The following DNAI3 variants were observed in gnomAD, a reference collection of about 807,000 sequenced individuals.
DNAI3 encodes dynein axonemal intermediate chain 3, also known as WD repeat domain 63.
In DNAI3, 83 loss-of-function variants were observed where a neutral mutation model predicts 115.5. That is an observed-to-expected ratio of 0.72 (90% confidence interval 0.60 to 0.86). The LOEUF (loss-of-function observed/expected upper bound fraction) is 0.86, where lower values mean the gene tolerates loss of function less well. Ranked by LOEUF, DNAI3 falls within the 40% of genes least tolerant of loss-of-function variation. The pLI, the probability that DNAI3 is intolerant of heterozygous loss-of-function variation, is 0.00. For synonymous variants in DNAI3, 320 were observed against 347.0 expected, an observed-to-expected ratio of 0.92 and a Z score of 0.86; for missense variants, 1,004 against 1,075.8, an observed-to-expected ratio of 0.93 and a Z score of 0.93.
At chr1:85,105,435 A>G (rs1340351749) in intron 14 of DNAI3, among the ~76,000 whole-genome samples, 1 of 151,948 alleles carries the variant, frequency 6.6e-6, no homozygotes, top group Non-Finnish European at 1.5e-5. Flanking sequence ...TTATATTTGC[A>G]ACAACCCTGA....
rs1207089948 is a variant in DNAI3 at position 85,132,842 on chromosome 1, CT to C, written c.2533-11del. The C allele has an allele frequency of 1.4e-6, 2 of 1,462,016 alleles. No homozygotes were observed. The highest frequency in any genetic ancestry group is 9.0e-7 in the Non-Finnish European group (1 of 1,110,474). 90.6% of individuals were successfully genotyped at this position (1,462,016 alleles called of 1,614,324 possible). The stretch of plus-strand genomic sequence containing the variant: ...TGTTTTATAGGGATGTCTTGTTTTT[CT>C]TCCCCCCCCAGAAAACATATCAGAA... On this transcript the variant is annotated splice_polypyrimidine_tract_variant and intron_variant, in intron 22 of 22. Transcript: ENST00000294664.
At chr1:85,113,835 C>T (rs761244948) in intron 16 of DNAI3, among the ~76,000 whole-genome samples, 10 of 151,852 alleles carry the variant, frequency 6.6e-5, no homozygotes, top group African/African-American at 1.2e-4. Flanking sequence ...TATATCTGTT[C>T]GTTTATTTAG....
chr1:85,066,689 A>C (rs1243962400), intron 1 of DNAI3, among the ~76,000 whole-genome samples: 1 of 152,154 alleles, frequency 6.6e-6, no homozygotes, highest in African/African-American at 2.4e-5. Context: ...AATGTTATGC[A>C]TATTTCAAAG....
intron 3 of DNAI3, among the ~76,000 whole-genome samples, chr1:85,078,195 A>T (rs1255000333): frequency 6.6e-6 from 1 of 152,076 alleles, no homozygotes; most frequent in African/African-American, 2.4e-5. Context: ...GAGTTCAGGG[A>T]TCTTGGTTTT....
At chr1:85,114,067 G>T (rs1331832011) in intron 16 of DNAI3, among the ~76,000 whole-genome samples, 1 of 144,594 alleles carries the variant, frequency 6.9e-6, no homozygotes, top group African/African-American at 2.6e-5. Flanking sequence ...AGGCTAGAGT[G>T]CAGTGGTATG....
At chr1:85,130,881 A>G (rs1395488309) in intron 22 of DNAI3, among the ~76,000 whole-genome samples, 2 of 152,136 alleles carry the variant, frequency 1.3e-5, no homozygotes, top group East Asian at 3.9e-4. Flanking sequence ...TCCCTTTCTC[A>G]GCTTCTCCCT....
chr1:85,103,927 TAA>T (rs1655405986), intron 13 of DNAI3, among the ~76,000 whole-genome samples: 7 of 126,042 alleles, frequency 5.6e-5, no homozygotes, highest in African/African-American at 2.0e-4. Context: ...ATAATAATAA[TAA>T]TAATTTATGA....
chr1:85,103,860 C>T (rs1428191877), intron 13 of DNAI3, among the ~76,000 whole-genome samples: 1 of 149,282 alleles, frequency 6.7e-6, no homozygotes, highest in Admixed American at 6.7e-5. Flanking sequence ...GTACTCCAAC[C>T]TGGGGCACAG....
At position 85,071,910 on chromosome 1, in the gene DNAI3, T is replaced by C; in HGVS notation, c.-14-18T>C. ...GCAAATTGTAACAATTTACTAATAA[T>C]ATCATCTCTTTATGCAGCCCAAGTC... On this transcript the variant is annotated intron_variant, in intron 1 of 22. Transcript: ENST00000294664. 4.4e-6 allele frequency: 7 copies of C among 1,592,360 alleles called. No individual in the cohort carries two copies. The highest frequency in any genetic ancestry group is 6.0e-6 in the Non-Finnish European group (7 of 1,173,914).
chr1:85,103,741 G>T (rs542040554), intron 13 of DNAI3, among the ~76,000 whole-genome samples: 136 of 151,820 alleles, frequency 9.0e-4, no homozygotes, highest in Admixed American at 4.9e-3. Flanking sequence ...ACAAAAATTG[G>T]CTGGGCATGG....
intron 15 of DNAI3, among the ~76,000 whole-genome samples, chr1:85,108,418 T>C (rs1655555609): frequency 6.6e-6 from 1 of 152,210 alleles, no homozygotes; most frequent in South Asian, 2.1e-4. Context: ...GTGTAATCTG[T>C]GTAATACACA....
intron 9 of DNAI3, 158 bp from the exon 10 acceptor site, chr1:85,094,273 T>G: frequency 1.1e-6 from 1 of 911,800 alleles, no homozygotes; most frequent in Non-Finnish European, 1.7e-6. Flanking sequence ...AGCATGTAAC[T>G]AGTGGCAACC....
chr1:85,103,331 C>A (rs1655384175), intron 13 of DNAI3, among the ~76,000 whole-genome samples: 1 of 152,140 alleles, frequency 6.6e-6, no homozygotes, highest in African/African-American at 2.4e-5. Context: ...GAACCATAAA[C>A]CCTCCTGTGA....
chr1:85,081,353 T>G lies in DNAI3; in HGVS notation c.223T>G (p.Phe75Val). The G allele has an allele frequency of 6.2e-7, 1 of 1,603,164 alleles. No individual in the cohort carries two copies. Among genetic ancestry groups the G allele is most frequent in the Non-Finnish European group, 8.5e-7 (1 of 1,176,672 alleles). ...TAAGCTTATCAATAAAGAAGACATT[T>G]TTGAGGACCTGCGCAACAGAGCTGC... ...PYKLINKEDIFEDLRNRAAVS... is the reference protein window; with the variant it reads ...PYKLINKEDIVEDLRNRAAVS... Residue 75 changes from phenylalanine to valine, a missense_variant, in exon 4 of 23, where the codon TTT becomes GTT. Phe to Val is a conservative substitution (Grantham distance 50, BLOSUM62 -1). Transcript: ENST00000294664.
intron 14 of DNAI3, among the ~76,000 whole-genome samples, chr1:85,104,818 G>A (rs964817968): frequency 2.1e-5 from 3 of 139,848 alleles, no homozygotes; most frequent in Admixed American, 1.4e-4. Flanking sequence ...GGTTGATAAC[G>A]TTGTATAGCA....
At chr1:85,084,248 GTGTATATATA>G (rs1654721475) in intron 5 of DNAI3, among the ~76,000 whole-genome samples, 1 of 32,466 alleles carries the variant, frequency 3.1e-5, no homozygotes, top group Non-Finnish European at 6.4e-5. Context: ...TATCAGCAGT[GTGTATATATA>G]TATATATATA....
chr1:85,100,540 T>C (rs1655266260), intron 13 of DNAI3, among the ~76,000 whole-genome samples: 1 of 152,146 alleles, frequency 6.6e-6, no homozygotes, highest in Non-Finnish European at 1.5e-5. Flanking sequence ...GTAAACTAGT[T>C]CAACCATTGT....
intron 9 of DNAI3, 46 bp downstream of exon 9, chr1:85,093,694 T>C (rs771090974): frequency 6.2e-7 from 1 of 1,610,192 alleles, no homozygotes; most frequent in South Asian, 1.1e-5. Context: ...AACATTGAAA[T>C]TGTCTGTTGC....
intron 21 of DNAI3, 56 bp from the exon 22 acceptor site, chr1:85,129,933 TA>T: frequency 6.4e-7 from 1 of 1,558,850 alleles, no homozygotes. Flanking sequence ...CAGAGCCTTG[TA>T]AAGGTCATGG....
Sources: gnomAD v4.1 joint callset for allele counts (sites outside exome capture counted in the v4.1 genomes callset) on GRCh38, gnomAD v4.1.1 for gene constraint, MANE v1.5 for transcripts, NCBI Gene and HGNC (gene_info 2026-07-23, HGNC 2026-07-21) for gene names.